The following CDH23 variants were observed in gnomAD, a reference collection of about 807,000 sequenced individuals.
CDH23 encodes the protein cadherin related 23.
Under a neutral mutation model 317.1 loss-of-function variants are expected in CDH23, and 189 were observed. The ratio of observed to expected loss-of-function variants is 0.60; its 90% CI spans 0.53 to 0.67. The LOEUF (loss-of-function observed/expected upper bound fraction) is 0.67, where lower values mean the gene tolerates loss of function less well. Among genes scored for constraint, CDH23 ranks in the 30% least tolerant of loss-of-function variants. The pLI is 0.00. For missense variants in CDH23, 4,401 were observed against 4,592.4 expected (o/e 0.96, Z 1.20); for synonymous variants, 1,839 against 1,876.8 (o/e 0.98, Z 0.52).
At chr10:71,543,384 C>G (rs1277565959) in intron 6 of CDH23, among the ~76,000 whole-genome samples, 1 of 152,226 alleles carries the variant, frequency 6.6e-6, no homozygotes, top group Non-Finnish European at 1.5e-5. Flanking sequence ...TCTCCTTACC[C>G]TCACTGTCAA....
At chr10:71,500,781 TTTC>T (rs1853256337) in intron 3 of CDH23, among the ~76,000 whole-genome samples, 1 of 147,960 alleles carries the variant, frequency 6.8e-6, no homozygotes, top group Admixed American at 6.7e-5. Context: ...TTTCTTTTCT[TTTC>T]TTTTCTTTTC....
chr10:71,773,497 G>T, intron 38 of CDH23: 1 of 1,516,596 alleles, frequency 6.6e-7, no homozygotes, highest in East Asian at 2.4e-5. Context: ...GGACGCGGCC[G>T]GCGCGGGGAA....
At chr10:71,559,205 T>G (rs1857007927) in intron 6 of CDH23, among the ~76,000 whole-genome samples, 1 of 152,174 alleles carries the variant, frequency 6.6e-6, no homozygotes, top group Non-Finnish European at 1.5e-5. Flanking sequence ...TTCCAGAATT[T>G]TGTTGACATC....
chr10:71,544,628 C>T (rs550544106), intron 6 of CDH23, among the ~76,000 whole-genome samples: 1 of 152,290 alleles, frequency 6.6e-6, no homozygotes, highest in East Asian at 1.9e-4. Context: ...ACACCAGGCC[C>T]GGGGCCACAG....
chr10:71,714,782 A>G (rs1325371812), intron 28 of CDH23: 1 of 152,274 alleles, frequency 6.6e-6, no homozygotes, highest in Non-Finnish European at 1.5e-5. Context: ...TGTGGGTCAC[A>G]GCAGGATGGG....
chr10:71,497,552 G>A (rs1426211137), intron 3 of CDH23, among the ~76,000 whole-genome samples: 2 of 152,188 alleles, frequency 1.3e-5, no homozygotes. Context: ...CTGGCTCTGC[G>A]GTAGCTCATT....
Position 71,549,609 on chromosome 10 carries a change from G to A in CDH23, c.430-17133G>A, listed in dbSNP as rs12572409. On this transcript the variant is annotated intron_variant, in intron 6 of 69. Transcript: ENST00000224721. ...ATCAGCATGTTGGGTAGAGAATCCCGAGGCTCAGTCTGGGAAGAGCACTGT... is the reference window on the plus strand; with the variant it reads ...ATCAGCATGTTGGGTAGAGAATCCCAAGGCTCAGTCTGGGAAGAGCACTGT... Among the ~76,000 whole-genome samples, 363 of 152,334 alleles carry A rather than the reference G, an allele frequency of 2.4e-3. 9 individuals are homozygous for A. The East Asian group carries it at 0.065, about 27-fold the overall frequency.
chr10:71,657,246 C>T (rs959111654), intron 14 of CDH23, among the ~76,000 whole-genome samples: 3 of 152,210 alleles, frequency 2.0e-5, no homozygotes, highest in African/African-American at 7.2e-5. Flanking sequence ...TGGCCTTGAG[C>T]CGGTGACTGA....
At chr10:71,599,841 A>AGG (rs1386911377) in intron 9 of CDH23, among the ~76,000 whole-genome samples, 5 of 152,272 alleles carry the variant, frequency 3.3e-5, no homozygotes, top group African/African-American at 1.2e-4. Flanking sequence ...TCACTTCTCC[A>AGG]GGGGATGAAG....
intron 6 of CDH23, among the ~76,000 whole-genome samples, chr10:71,518,141 A>G (rs1480394553): frequency 1.3e-5 from 2 of 151,884 alleles, no homozygotes; most frequent in Non-Finnish European, 2.9e-5. Context: ...ACTGTCTTTC[A>G]TTTGTCCTCA....
intron 1 of CDH23, among the ~76,000 whole-genome samples, chr10:71,427,521 A>G (rs868664051): frequency 1.5e-4 from 23 of 152,156 alleles, no homozygotes; most frequent in African/African-American, 5.3e-4. Context: ...GTGATATACC[A>G]ACGGATATAC....
rs780605904 is a variant in CDH23 at position 71,741,991 on chromosome 10, C to G, written c.4845+70C>G. On this transcript the variant is annotated intron_variant, in intron 38 of 69. Transcript: ENST00000224721. Reference sequence around the variant, plus strand: ...CAGCTCCGCCTCCGAGTGAGGGGAACAAGATGGGTGAGAATGGAATTCCAC... The same window carrying G: ...CAGCTCCGCCTCCGAGTGAGGGGAAGAAGATGGGTGAGAATGGAATTCCAC... 269 of 1,237,004 alleles carry G rather than the reference C, an allele frequency of 2.2e-4. 1 individual carries two copies. The highest frequency in any genetic ancestry group is 2.7e-4 in the Non-Finnish European group (237 of 882,082). The allele number at this position is 1,237,004 out of a possible 1,614,324, so 76.6% of individuals were successfully genotyped here.
intron 6 of CDH23, among the ~76,000 whole-genome samples, chr10:71,533,977 C>T (rs970664754): frequency 3.3e-5 from 5 of 152,156 alleles, no homozygotes; most frequent in South Asian, 2.1e-4. Context: ...TCCTCATTCC[C>T]GGCCAGGGTC....
rs192843886 is a variant in CDH23, at chr10:71,685,989, G to A, written c.1987-1658G>A. On this transcript the variant is annotated intron_variant, in intron 18 of 69. Transcript: ENST00000224721. ...CCTGCACAGGTTGGGGGTGGGGAGAGGCAGATGGAAACCACAGGGCTCCAG... is the reference window on the plus strand; with the variant it reads ...CCTGCACAGGTTGGGGGTGGGGAGAAGCAGATGGAAACCACAGGGCTCCAG... 4.0e-3 allele frequency among the ~76,000 whole-genome samples: 606 copies of A among 152,232 alleles called. 5 individuals are homozygous for A. The highest frequency in any genetic ancestry group is 0.014 in the African/African-American group (579 of 41,556).
intron 6 of CDH23, among the ~76,000 whole-genome samples, chr10:71,525,552 G>A (rs1161375078): frequency 6.6e-6 from 1 of 152,202 alleles, no homozygotes; most frequent in East Asian, 1.9e-4. Context: ...TAGCTGGCTG[G>A]GAAGAGGCCC....
intron 6 of CDH23, among the ~76,000 whole-genome samples, chr10:71,525,123 C>A (rs779735534): frequency 6.6e-6 from 1 of 152,106 alleles, no homozygotes; most frequent in Non-Finnish European, 1.5e-5. Flanking sequence ...GCCAGGCTGG[C>A]CTTGAACTAC....
At chr10:71,521,068 T>C (rs1019223510) in intron 6 of CDH23, among the ~76,000 whole-genome samples, 1 of 151,990 alleles carries the variant, frequency 6.6e-6, no homozygotes, top group Non-Finnish European at 1.5e-5. Flanking sequence ...ATAATAACCT[T>C]AAGTGGAAGC....
chr10:71,467,209 G>C (rs1195443255), intron 3 of CDH23, among the ~76,000 whole-genome samples: 1 of 152,124 alleles, frequency 6.6e-6, no homozygotes, highest in Non-Finnish European at 1.5e-5. Flanking sequence ...CCTAAGACCT[G>C]AACCTCAGTT....
chr10:71,752,015 C>A, intron 38 of CDH23: 1 of 885,036 alleles, frequency 1.1e-6, no homozygotes, highest in Non-Finnish European at 1.8e-6. Context: ...GGAGCCAGGC[C>A]CACAGAGCAA....
Sources: allele counts gnomAD v4.1 joint callset (sites outside exome capture counted in the v4.1 genomes callset), GRCh38; gene constraint gnomAD v4.1.1; transcripts MANE v1.5; gene names NCBI Gene and HGNC (gene_info 2026-07-23, HGNC 2026-07-21).